Variants in KLHDC4 observed in about 807,000 individuals in gnomAD.
KLHDC4 encodes the protein kelch domain containing 4.
Under a neutral mutation model 62.4 loss-of-function variants are expected in KLHDC4, and 90 were observed. That is an observed-to-expected ratio of 1.44 (90% CI 1.22 to 1.72). The LOEUF (loss-of-function observed/expected upper bound fraction) is 1.72. Among genes scored for constraint, KLHDC4 ranks in the 40% most tolerant of loss-of-function variants. KLHDC4 has a pLI of 0.00. For synonymous variants in KLHDC4, 386 were observed against 284.4 expected (o/e 1.36, Z -3.59); for missense variants, 1,025 against 699.7 (o/e 1.47, Z -5.25).
intron 2 of KLHDC4, among the ~76,000 whole-genome samples, chr16:87,760,752 G>A (rs576564451): frequency 1.7e-4 from 26 of 152,120 alleles, no homozygotes; most frequent in African/African-American, 6.0e-4. Flanking sequence ...TACATTTACA[G>A]CCAGGCACAG....
intron 7 of KLHDC4, among the ~76,000 whole-genome samples, chr16:87,716,015 A>G (rs1048916067): frequency 1.3e-5 from 2 of 152,090 alleles, no homozygotes; most frequent in Admixed American, 6.5e-5. Flanking sequence ...GGTCTTGTGG[A>G]TATTTATGCA....
exon 1 of KLHDC4, chr16:87,699,570 G>C (rs1036255520): frequency 1.3e-5 from 2 of 152,256 alleles, no homozygotes; most frequent in African/African-American, 4.8e-5. Context: ...GTGGTGGCAG[G>C]TGCCTGTAAT....
chr16:87,722,713 C>T (rs1353167419), intron 7 of KLHDC4, among the ~76,000 whole-genome samples: 2 of 152,200 alleles, frequency 1.3e-5, no homozygotes, highest in African/African-American at 2.4e-5. Context: ...GAGACGAGGA[C>T]CATGGGGGTT....
intron 5 of KLHDC4, among the ~76,000 whole-genome samples, chr16:87,741,253 A>AGAAG (rs1302478523): frequency 6.6e-5 from 10 of 152,216 alleles, no homozygotes; most frequent in African/African-American, 2.4e-4. Context: ...AACACATAGC[A>AGAAG]GAAGGCAGCC....
chr16:87,743,143 T>A (rs917354808), intron 5 of KLHDC4: 4 of 152,274 alleles, frequency 2.6e-5, no homozygotes, highest in African/African-American at 9.6e-5. Context: ...GCCTCACTTG[T>A]GGCCCAGGTT....
At chr16:87,758,406 G>C (rs2045327606) in intron 2 of KLHDC4, among the ~76,000 whole-genome samples, 1 of 152,192 alleles carries the variant, frequency 6.6e-6, no homozygotes. Flanking sequence ...ACATGCCACA[G>C]AACTGATGAA....
At chr16:87,746,759 G>T (rs1460405424) in intron 5 of KLHDC4, among the ~76,000 whole-genome samples, 1 of 152,188 alleles carries the variant, frequency 6.6e-6, no homozygotes, top group African/African-American at 2.4e-5. Context: ...GACTGGAACT[G>T]GGGGCCAAGA....
At chr16:87,715,801 A>C (rs1393204019) in intron 7 of KLHDC4, among the ~76,000 whole-genome samples, 2 of 152,154 alleles carry the variant, frequency 1.3e-5, no homozygotes, top group East Asian at 3.9e-4. Context: ...GTTTCTCTTC[A>C]GCTCTATGTT....
chr16:87,751,009 T>C (rs1349744814), intron 4 of KLHDC4: 1 of 152,262 alleles, frequency 6.6e-6, no homozygotes, highest in Non-Finnish European at 1.5e-5. Context: ...GTTTTGAGTC[T>C]AGAGGAAGTT....
In KLHDC4 at chr16:87,735,086, G is replaced by C. The variant is rs1012320456; in HGVS notation, c.507-4442C>G. 2.0e-5 allele frequency among the ~76,000 whole-genome samples: 3 copies of C among 150,644 alleles called. No individual in the cohort carries two copies. The Admixed American group carries it at 2.0e-4, about 10-fold the overall frequency. ...GATTACTTTATAAGAACAATCTGAG[G>C]ATCAGACCTTCATTCAAAACTAAAC... is the stretch of plus-strand genomic sequence containing the variant. On this transcript the variant is annotated intron_variant, in intron 5 of 11. Coordinates refer to ENST00000270583, the MANE Select transcript of KLHDC4 (RefSeq NM_017566.4).
At chr16:87,713,253 G>A (rs2036252351) in intron 8 of KLHDC4, among the ~76,000 whole-genome samples, 1 of 151,940 alleles carries the variant, frequency 6.6e-6, no homozygotes, top group African/African-American at 2.4e-5. Flanking sequence ...AGGCTGGAGT[G>A]CGGTGGTGCA....
At chr16:87,701,883 G>C (rs771267330) in exon 1 of KLHDC4, 2 of 456,412 alleles carry the variant, frequency 4.4e-6, no homozygotes, top group East Asian at 1.4e-4. Context: ...CGAGCCCAGG[G>C]AGTGGAGGAT....
intron 1 of KLHDC4, chr16:87,765,071 C>A: frequency 2.2e-6 from 1 of 454,950 alleles, no homozygotes; most frequent in South Asian, 1.6e-5. Flanking sequence ...CTGACCTGCT[C>A]GTGAGGAGTA....
chr16:87,704,129 T>G (rs1465309190), downstream of KLHDC4, among the ~76,000 whole-genome samples: 1 of 152,232 alleles, frequency 6.6e-6, no homozygotes, highest in Non-Finnish European at 1.5e-5. Flanking sequence ...TCTTCTCTGA[T>G]GGAAACCATC....
At chr16:87,755,524 C>T (rs1389309001) in intron 3 of KLHDC4, 17 of 394,974 alleles carry the variant, frequency 4.3e-5, no homozygotes, top group South Asian at 2.4e-4. Flanking sequence ...TGAAAGCCCT[C>T]GTTGTTATTA....
intron 1 of KLHDC4, 91 bp from the exon 2 acceptor site, chr16:87,762,131 T>C (rs1567844424): frequency 6.4e-7 from 1 of 1,564,092 alleles, no homozygotes; most frequent in East Asian, 2.3e-5. Flanking sequence ...TCAGTGTGAT[T>C]CGACTGGGCT....
intron 7 of KLHDC4, among the ~76,000 whole-genome samples, chr16:87,717,882 C>G (rs1017242189): frequency 6.6e-6 from 1 of 152,296 alleles, no homozygotes; most frequent in East Asian, 1.9e-4. Context: ...GCAACATTGT[C>G]TTCTTAGAAT....
chr16:87,718,332 TC>T lies in KLHDC4; in HGVS notation c.760-3760del, dbSNP rs1294455042. Among the ~76,000 whole-genome samples, 17 of 8,174 alleles carry T rather than the reference TC, an allele frequency of 2.1e-3. 1 individual carries two copies. The highest frequency in any genetic ancestry group is 8.9e-3 in the African/African-American group (15 of 1,690). 5.4% of individuals were successfully genotyped at this position (8,174 alleles called of 152,430 possible). On this transcript the variant is annotated intron_variant, in intron 7 of 11. Transcript: ENST00000270583. ...CCCTCTCCCTCCCCCTCCCTCTCCC[TC>T]CCCCTCTCCTCCCCCTCCCCCTCCC...
chr16:87,713,382 G>C (rs2036279053), intron 8 of KLHDC4, among the ~76,000 whole-genome samples: 1 of 151,476 alleles, frequency 6.6e-6, no homozygotes, highest in Non-Finnish European at 1.5e-5. Flanking sequence ...TTTTTTTTAA[G>C]AGATGGTGTG....
Sources: gnomAD v4.1 joint callset for allele counts (sites outside exome capture counted in the v4.1 genomes callset) on GRCh38, gnomAD v4.1.1 for gene constraint, MANE v1.5 for transcripts, NCBI Gene and HGNC (gene_info 2026-07-23, HGNC 2026-07-21) for gene names.